CHN2: variants seen among roughly 807,000 people sequenced by gnomAD.
CHN2 encodes the protein beta-chimaerin.
Under a neutral mutation model 56.3 loss-of-function variants are expected in CHN2, and 35 were observed. That is an observed-to-expected ratio of 0.62 (90% CI 0.47 to 0.82). The LOEUF (loss-of-function observed/expected upper bound fraction) is 0.82, where lower values mean the gene tolerates loss of function less well. CHN2 is among the 40% of genes least tolerant of loss of function. CHN2 has a pLI of 0.00. For synonymous variants in CHN2, 210 were observed against 212.8 expected (o/e 0.99, Z 0.12); for missense variants, 491 against 580.5 (o/e 0.85, Z 1.58).
chr7:29,293,575 GACAC>G (rs1792854089), intron 1 of CHN2, among the ~76,000 whole-genome samples: 1 of 152,076 alleles, frequency 6.6e-6, no homozygotes, highest in Non-Finnish European at 1.5e-5. Flanking sequence ...CTCAGCTCCA[GACAC>G]ACAGGCCTCC....
chr7:29,172,099 C>T (rs998747983), intron 2 of CHN2, among the ~76,000 whole-genome samples: 14 of 152,134 alleles, frequency 9.2e-5, no homozygotes, highest in South Asian at 2.1e-4. Flanking sequence ...CACGTTTATA[C>T]GCTTGGATTA....
intron 1 of CHN2, among the ~76,000 whole-genome samples, chr7:29,350,254 A>G (rs1403697568): frequency 1.3e-5 from 2 of 152,082 alleles, no homozygotes; most frequent in African/African-American, 2.4e-5. Context: ...CTCATTTGCC[A>G]AATGACAAAG....
intron 1 of CHN2, among the ~76,000 whole-genome samples, chr7:29,221,226 A>G (rs1785768001): frequency 6.6e-6 from 1 of 152,220 alleles, no homozygotes; most frequent in Non-Finnish European, 1.5e-5. Flanking sequence ...AAAAATTGTC[A>G]TGAAGGTTGA....
At chr7:29,169,873 T>TGC (rs1796382273) in intron 2 of CHN2, among the ~76,000 whole-genome samples, 1 of 146,748 alleles carries the variant, frequency 6.8e-6, no homozygotes, top group African/African-American at 2.6e-5. Flanking sequence ...TGTGTGTGTG[T>TGC]GTGTGTGTAT....
At chr7:29,357,705 A>G (rs6943806) in intron 2 of CHN2, among the ~76,000 whole-genome samples, 93,905 of 152,002 alleles carry the variant, frequency 0.62, 29,510 homozygotes, top group East Asian at 0.74. Context: ...TCAAATTTGC[A>G]TGTGGGTCTT....
chr7:29,228,289 G>A (rs1032380376), intron 1 of CHN2, among the ~76,000 whole-genome samples: 3 of 151,966 alleles, frequency 2.0e-5, no homozygotes, highest in Admixed American at 6.6e-5. Context: ...CAGTGGTTCC[G>A]TAAGATTATA....
intron 1 of CHN2, chr7:29,146,830 A>G: frequency 1.9e-6 from 3 of 1,550,648 alleles, no homozygotes; most frequent in Non-Finnish European, 2.6e-6. Context: ...TGTATTTTGA[A>G]ATTATTTCTG....
At chr7:29,240,995 C>T (rs1242554983) in intron 1 of CHN2, among the ~76,000 whole-genome samples, 5 of 152,098 alleles carry the variant, frequency 3.3e-5, no homozygotes, top group Non-Finnish European at 5.9e-5. Flanking sequence ...AAGTGATTCT[C>T]CCACCTCAGC....
At chr7:29,224,050 C>T (rs979281179) in intron 1 of CHN2, among the ~76,000 whole-genome samples, 4 of 152,084 alleles carry the variant, frequency 2.6e-5, no homozygotes, top group Non-Finnish European at 4.4e-5. Context: ...GAAAGGTGGG[C>T]CAGACTGTTG....
At chr7:29,506,479 A>T (rs544369142) in intron 10 of CHN2, among the ~76,000 whole-genome samples, 1 of 151,950 alleles carries the variant, frequency 6.6e-6, no homozygotes, top group African/African-American at 2.4e-5. Flanking sequence ...TCTACTAAAA[A>T]TACAAAAATT....
At chr7:29,157,897 C>T (rs899122445) in intron 2 of CHN2, among the ~76,000 whole-genome samples, 10 of 152,202 alleles carry the variant, frequency 6.6e-5, no homozygotes, top group East Asian at 5.8e-4. Flanking sequence ...AAAAATGCTC[C>T]GGCAGTCCTT....
upstream of CHN2, chr7:29,192,889 T>C (rs1584672263): frequency 6.6e-6 from 1 of 152,320 alleles, no homozygotes; most frequent in South Asian, 2.1e-4. Context: ...GGGGGCTACA[T>C]AGATTACTAG....
chr7:29,289,696 C>A (rs1792436427), intron 1 of CHN2, among the ~76,000 whole-genome samples: 1 of 152,208 alleles, frequency 6.6e-6, no homozygotes, highest in Admixed American at 6.5e-5. Context: ...GCACTTCCTA[C>A]ATTGAAATAG....
At chr7:29,154,302 A>T (rs911304183) in intron 2 of CHN2, among the ~76,000 whole-genome samples, 4 of 152,192 alleles carry the variant, frequency 2.6e-5, no homozygotes, top group Non-Finnish European at 5.9e-5. Flanking sequence ...GCTGGAGATC[A>T]GGCCCCTCTC....
At chr7:29,345,041 G>A (rs925964639) in intron 1 of CHN2, among the ~76,000 whole-genome samples, 5 of 152,298 alleles carry the variant, frequency 3.3e-5, no homozygotes, top group South Asian at 4.1e-4. Flanking sequence ...TGTGCCATTT[G>A]TGCCTAGCTG....
At chr7:29,269,032 C>T (rs1268294714) in intron 1 of CHN2, among the ~76,000 whole-genome samples, 6 of 152,098 alleles carry the variant, frequency 3.9e-5, no homozygotes, top group Non-Finnish European at 7.4e-5. Flanking sequence ...ATATTCATCA[C>T]GTTAAACATT....
intron 1 of CHN2, among the ~76,000 whole-genome samples, chr7:29,330,721 C>G (rs17157786): frequency 0.024 from 3,604 of 152,238 alleles, 143 homozygotes; most frequent in African/African-American, 0.08. Context: ...AACTTTGAAG[C>G]CTTGCTTGTG....
rs182602356 is a variant in CHN2 at position 29,442,908 on chromosome 7, C to T, written c.577-37371C>T. ...TTCTATGATTTTCTCCACTTAATCCCCATCGCTTTCAATTTCATTGAATTT... is the reference window on the plus strand; with the variant it reads ...TTCTATGATTTTCTCCACTTAATCCTCATCGCTTTCAATTTCATTGAATTT... On this transcript the variant is annotated intron_variant, in intron 6 of 12. Transcript: ENST00000222792. Among the ~76,000 whole-genome samples the T allele has an allele frequency of 2.0e-4, 30 of 148,718 alleles. No homozygotes were observed. The East Asian group carries it at 2.7e-3, about 13-fold the overall frequency.
chr7:29,263,277 G>A (rs975030595), intron 1 of CHN2, among the ~76,000 whole-genome samples: 7 of 152,224 alleles, frequency 4.6e-5, no homozygotes, highest in Non-Finnish European at 8.8e-5. Flanking sequence ...TGGTCTGCCC[G>A]CCTCGGCCTC....
Sources: gnomAD v4.1 joint callset for allele counts (sites outside exome capture counted in the v4.1 genomes callset) on GRCh38, gnomAD v4.1.1 for gene constraint, MANE v1.5 for transcripts, NCBI Gene and HGNC (gene_info 2026-07-23, HGNC 2026-07-21) for gene names.